Variants in USH2A observed in about 807,000 individuals in gnomAD.
USH2A encodes Usher syndrome 2A (autosomal recessive, mild).
USH2A carries 443 observed loss-of-function variants against 538.9 expected under a neutral mutation model. That is an observed-to-expected ratio of 0.82 (90% CI 0.76 to 0.89). The LOEUF (loss-of-function observed/expected upper bound fraction) is 0.89, where lower values mean the gene tolerates loss of function less well. Ranked by LOEUF, USH2A falls within the 40% of genes least tolerant of loss-of-function variation. The pLI, the probability that USH2A is intolerant of heterozygous loss-of-function variation, is 0.00. For missense variants in USH2A, 6,633 were observed against 6,324.8 expected (o/e 1.05, Z -1.65); for synonymous variants, 2,413 against 2,273.5 (o/e 1.06, Z -1.75).
chr1:216,264,480 T>C (rs1558351715), intron 11 of USH2A, among the ~76,000 whole-genome samples: 2 of 152,202 alleles, frequency 1.3e-5, no homozygotes, highest in South Asian at 4.1e-4. Flanking sequence ...GAATTTTTAG[T>C]AGAGACAGTC....
intron 67 of USH2A, 39 bp downstream of exon 67, chr1:215,647,483 C>T: frequency 1.2e-6 from 2 of 1,612,030 alleles, no homozygotes; most frequent in East Asian, 2.2e-5. Flanking sequence ...GACCACATTC[C>T]AATCTCTCTG....
chr1:215,925,970 A>T (rs1364456923), intron 38 of USH2A, among the ~76,000 whole-genome samples: 2 of 152,268 alleles, frequency 1.3e-5, no homozygotes, highest in East Asian at 3.9e-4. Context: ...GTGAGCTGAG[A>T]TTGCGCCACT....
intron 26 of USH2A, 90 bp downstream of exon 26, chr1:216,083,366 C>T: frequency 7.2e-7 from 1 of 1,390,666 alleles, no homozygotes; most frequent in Non-Finnish European, 9.8e-7. Flanking sequence ...TAAAGAAACC[C>T]CAATTAAGTG....
chr1:215,783,009 C>A, intron 52 of USH2A, 74 bp from the exon 53 acceptor site: 1 of 1,423,186 alleles, frequency 7.0e-7, no homozygotes, highest in African/African-American at 1.4e-5. Flanking sequence ...AAGTGAATAT[C>A]AAAAACTTTA....
chr1:216,105,594 T>C (rs1481204186), intron 21 of USH2A, among the ~76,000 whole-genome samples: 2 of 152,042 alleles, frequency 1.3e-5, no homozygotes, highest in African/African-American at 4.8e-5. Flanking sequence ...CAATAGTATT[T>C]TGGATATTCT....
At chr1:215,850,933 T>C (rs1011441214) in intron 44 of USH2A, among the ~76,000 whole-genome samples, 11 of 152,118 alleles carry the variant, frequency 7.2e-5, no homozygotes, top group South Asian at 4.1e-4. Context: ...AATAATCTGC[T>C]CCTGAATGAT....
intron 61 of USH2A, among the ~76,000 whole-genome samples, chr1:215,683,558 G>A (rs1658312030): frequency 6.6e-6 from 1 of 152,070 alleles, no homozygotes; most frequent in Admixed American, 6.6e-5. Context: ...CTTAAATTTA[G>A]GATATTTGCT....
intron 9 of USH2A, among the ~76,000 whole-genome samples, chr1:216,306,470 G>T (rs1193210612): frequency 6.6e-6 from 1 of 152,116 alleles, no homozygotes; most frequent in African/African-American, 2.4e-5. Context: ...GCCTCCTTCA[G>T]TCACTTAATA....
At chr1:215,945,154 A>G (rs1282554592) in intron 37 of USH2A, among the ~76,000 whole-genome samples, 1 of 152,174 alleles carries the variant, frequency 6.6e-6, no homozygotes, top group Non-Finnish European at 1.5e-5. Context: ...AAAGGATCAT[A>G]AGATATAAAT....
intron 39 of USH2A, 128 bp from the exon 40 acceptor site, chr1:215,900,345 TC>T (rs1665461426): frequency 1.0e-6 from 1 of 991,846 alleles, no homozygotes; most frequent in Non-Finnish European, 1.5e-6. Context: ...TTTTCTGCCA[TC>T]AAATGAGATC....
intron 37 of USH2A, among the ~76,000 whole-genome samples, chr1:215,960,219 T>C (rs1004411204): frequency 6.6e-6 from 1 of 152,136 alleles, no homozygotes; most frequent in Non-Finnish European, 1.5e-5. Context: ...CCCTAAATTA[T>C]CATGGCACAA....
chr1:215,906,855 A>T (rs7544470), intron 38 of USH2A, among the ~76,000 whole-genome samples: 92,544 of 151,874 alleles, frequency 0.61, 28,353 homozygotes, highest in East Asian at 0.8. Context: ...ATGTCATGGA[A>T]CTGATATTTG....
At chr1:216,064,916 C>G (rs1311152696) in intron 30 of USH2A, among the ~76,000 whole-genome samples, 3 of 151,930 alleles carry the variant, frequency 2.0e-5, no homozygotes, top group African/African-American at 7.3e-5. Flanking sequence ...ATGACTGTAC[C>G]TAAAGCAATG....
At chr1:215,872,511 A>G (rs1416044508) in intron 43 of USH2A, among the ~76,000 whole-genome samples, 1 of 152,136 alleles carries the variant, frequency 6.6e-6, no homozygotes, top group Non-Finnish European at 1.5e-5. Context: ...TCTTTGTTCT[A>G]CTTTGTCATC....
intron 11 of USH2A, among the ~76,000 whole-genome samples, chr1:216,264,984 G>A (rs1081880): frequency 0.062 from 9,353 of 152,066 alleles, 768 homozygotes; most frequent in African/African-American, 0.19. Context: ...CCTAGGAGAC[G>A]TGCTTCAGGA....
chr1:216,368,692 G>T (rs907002075), intron 3 of USH2A, among the ~76,000 whole-genome samples: 1 of 152,184 alleles, frequency 6.6e-6, no homozygotes, highest in African/African-American at 2.4e-5. Context: ...CACTATAAAT[G>T]ATGATGGTTG....
Position 216,217,535 on chromosome 1 carries a change from A to G in USH2A, c.3009T>C (p.Asn1003=), listed in dbSNP as rs2035366877. The G allele has an allele frequency of 4.3e-6, 7 of 1,613,082 alleles. No homozygotes were observed. The highest frequency in any genetic ancestry group is 5.9e-6 in the Non-Finnish European group (7 of 1,179,300). Residue 1003 remains asparagine, a synonymous_variant, in exon 15 of 72, where the codon AAT becomes AAC. Transcript: ENST00000307340. ...CATTCAAGGCTCCTGAGAGATGACAATTACAAGGCTGACATCTGAAAACAA... is the reference window on the plus strand; with the variant it reads ...CATTCAAGGCTCCTGAGAGATGACAGTTACAAGGCTGACATCTGAAAACAA... ...DPQTGRCQPC[N]CHLSGALNET...
At chr1:215,769,125 A>G (rs1222523249) in intron 55 of USH2A, among the ~76,000 whole-genome samples, 1 of 152,240 alleles carries the variant, frequency 6.6e-6, no homozygotes. Context: ...ATAAAATAAC[A>G]GAAACTAATA....
At chr1:215,836,550 TA>T (rs1308761776) in intron 47 of USH2A, among the ~76,000 whole-genome samples, 2,071 of 18,320 alleles carry the variant, frequency 0.11, 277 homozygotes, top group East Asian at 0.44. Flanking sequence ...ATAATATATA[TA>T]TATATATATA....
Sources: gnomAD v4.1 joint callset for allele counts (sites outside exome capture counted in the v4.1 genomes callset) on GRCh38, gnomAD v4.1.1 for gene constraint, MANE v1.5 for transcripts, NCBI Gene and HGNC (gene_info 2026-07-23, HGNC 2026-07-21) for gene names.